IQSEC1: variants seen among roughly 807,000 people sequenced by gnomAD.
The protein encoded by IQSEC1 is IQ motif and SEC7 domain-containing protein 1.
A neutral mutation model predicts 91.0 loss-of-function variants in IQSEC1; 31 were observed. The ratio of observed to expected loss-of-function variants is 0.34; its 90% CI spans 0.26 to 0.46. The LOEUF (loss-of-function observed/expected upper bound fraction) is 0.46. IQSEC1 is among the 20% of genes least tolerant of loss of function. IQSEC1 has a pLI of 1.00. For missense variants in IQSEC1, 1,388 were observed against 1,575.6 expected, an observed-to-expected ratio of 0.88 and a Z score of 2.02; for synonymous variants, 699 against 662.6, an observed-to-expected ratio of 1.05 and a Z score of -0.84.
chr3:12,973,637 C>A (rs893007287), intron 1 of IQSEC1, among the ~76,000 whole-genome samples: 2 of 152,210 alleles, frequency 1.3e-5, no homozygotes, highest in Non-Finnish European at 2.9e-5. Context: ...TTAAAGCAGC[C>A]TTACCCCATT....
chr3:13,041,726 T>C (rs894668873), intron 1 of IQSEC1, among the ~76,000 whole-genome samples: 3 of 151,984 alleles, frequency 2.0e-5, no homozygotes, highest in Admixed American at 1.3e-4. Flanking sequence ...CAGGGAGCAG[T>C]CCCCAAATCC....
intron 1 of IQSEC1, among the ~76,000 whole-genome samples, chr3:13,054,824 G>C (rs531907560): frequency 4.3e-4 from 65 of 152,368 alleles, no homozygotes; most frequent in African/African-American, 1.6e-3. Context: ...GGGCACTCGG[G>C]TCAGACGGAC....
chr3:13,220,075 T>A (rs1377536575), intron 1 of IQSEC1, among the ~76,000 whole-genome samples: 1 of 152,260 alleles, frequency 6.6e-6, no homozygotes, highest in Non-Finnish European at 1.5e-5. Context: ...CACAGGCTCC[T>A]GCTGGGACAC....
intron 1 of IQSEC1, among the ~76,000 whole-genome samples, chr3:13,229,158 C>T (rs1349544818): frequency 1.3e-5 from 2 of 152,216 alleles, no homozygotes; most frequent in Admixed American, 6.5e-5. Flanking sequence ...ATCCTGACTG[C>T]CTGGGTTCAA....
intron 1 of IQSEC1, among the ~76,000 whole-genome samples, chr3:12,957,212 T>C (rs921053174): frequency 1.3e-5 from 2 of 152,300 alleles, no homozygotes; most frequent in African/African-American, 4.8e-5. Flanking sequence ...AGATACAAAG[T>C]TTACAAGACT....
intron 1 of IQSEC1, among the ~76,000 whole-genome samples, chr3:13,223,370 TC>T (rs1254615833): frequency 4.6e-5 from 7 of 152,178 alleles, no homozygotes; most frequent in Middle Eastern, 3.4e-3. Context: ...GGTCTCTGCT[TC>T]CCCACCTCCA....
At chr3:13,232,681 T>A (rs1286483419) in intron 1 of IQSEC1, among the ~76,000 whole-genome samples, 1 of 152,094 alleles carries the variant, frequency 6.6e-6, no homozygotes, top group African/African-American at 2.4e-5. Flanking sequence ...TACACAGACT[T>A]GGAGAATAAT....
At chr3:13,228,839 C>A (rs935634560) in intron 1 of IQSEC1, among the ~76,000 whole-genome samples, 1 of 152,238 alleles carries the variant, frequency 6.6e-6, no homozygotes, top group Non-Finnish European at 1.5e-5. Context: ...GACAGGATCC[C>A]TTCAGGACTT....
chr3:13,263,285 T>C lies in IQSEC1; in HGVS notation c.272+19426A>G, dbSNP rs144801773. On this transcript the variant is annotated intron_variant, in intron 1 of 15. Transcript: ENST00000648114. ...AACAAAACAAAACAAAAAACCAATG[T>C]GAATATACCTAATGCCATTAAACTA... 4.0e-5 allele frequency among the ~76,000 whole-genome samples: 6 copies of C among 151,828 alleles called. No individual in the cohort carries two copies. In the East Asian group the frequency reaches 1.2e-3, roughly 29 times the overall value.
intron 1 of IQSEC1, among the ~76,000 whole-genome samples, chr3:13,183,903 A>G (rs1006467423): frequency 6.6e-6 from 1 of 152,236 alleles, no homozygotes; most frequent in Admixed American, 6.5e-5. Context: ...CAGTTTGAAC[A>G]CTGAGATGAC....
intron 1 of IQSEC1, among the ~76,000 whole-genome samples, chr3:13,187,447 T>C (rs532243473): frequency 7.2e-5 from 11 of 152,348 alleles, no homozygotes; most frequent in African/African-American, 2.6e-4. Flanking sequence ...ATGACTTTAA[T>C]ATGAAGCCTA....
chr3:13,134,604 C>T (rs999645642), intron 2 of IQSEC1, among the ~76,000 whole-genome samples: 7 of 152,194 alleles, frequency 4.6e-5, no homozygotes, highest in South Asian at 4.1e-4. Context: ...TAGCCTCATG[C>T]GGGTGATGAT....
intron 1 of IQSEC1, among the ~76,000 whole-genome samples, chr3:12,981,387 TA>T (rs1480107350): frequency 5.9e-5 from 9 of 152,240 alleles, no homozygotes; most frequent in Admixed American, 3.9e-4. Flanking sequence ...CATTTGTTTC[TA>T]GGCATTTGCT....
intron 1 of IQSEC1, among the ~76,000 whole-genome samples, chr3:12,976,060 CTA>C (rs1378732628): frequency 2.6e-5 from 4 of 152,252 alleles, no homozygotes; most frequent in Admixed American, 2.6e-4. Context: ...ACTGAATAAT[CTA>C]TGTCTCTTAG....
rs1700641170 is a variant in IQSEC1, at chr3:12,967,289, C to T, written c.24-25424G>A. ...CTCTCGCACGCCGGGCGCCCGGTCC[C>T]GACGGTCACCCGCACTCCCGCACAG... is the stretch of plus-strand genomic sequence containing the variant. On this transcript the variant is annotated intron_variant, in intron 1 of 13. Coordinates refer to ENST00000613206, the MANE Select transcript of IQSEC1 (RefSeq NM_001134382.3). The surrounding 1 kb of genome is among the most constrained non-coding windows in gnomAD (Gnocchi z 5.9). 1.8e-6 allele frequency: 2 copies of T among 1,084,480 alleles called. No homozygotes were observed. The highest frequency in any genetic ancestry group is 1.7e-5 in the African/African-American group (1 of 60,476). 67.2% of individuals were successfully genotyped at this position (1,084,480 alleles called of 1,614,324 possible). A position where few individuals can be genotyped will look rare whatever the true frequency, so the allele number is the denominator to read the frequency against.
chr3:13,171,597 G>A (rs563070584), intron 1 of IQSEC1, among the ~76,000 whole-genome samples: 10 of 152,252 alleles, frequency 6.6e-5, no homozygotes, highest in African/African-American at 2.2e-4. Flanking sequence ...GGTACCCGAA[G>A]ACCTCAGCTT....
At chr3:13,208,782 C>T (rs1272553192) in intron 1 of IQSEC1, among the ~76,000 whole-genome samples, 1 of 152,232 alleles carries the variant, frequency 6.6e-6, no homozygotes, top group East Asian at 1.9e-4. Context: ...CATGTTCCCT[C>T]CCCAGGCTGC....
At chr3:13,118,681 T>C (rs888863549) in intron 2 of IQSEC1, among the ~76,000 whole-genome samples, 2 of 152,180 alleles carry the variant, frequency 1.3e-5, no homozygotes, top group African/African-American at 4.8e-5. Flanking sequence ...TATTGTTTAA[T>C]GGAGACAGTT....
chr3:13,094,608 C>G (rs955645436), intron 2 of IQSEC1, among the ~76,000 whole-genome samples: 2 of 152,180 alleles, frequency 1.3e-5, no homozygotes, highest in African/African-American at 4.8e-5. Flanking sequence ...CGTGGATCAG[C>G]CTGTGAGACT....
Sources: allele counts gnomAD v4.1 joint callset (sites outside exome capture counted in the v4.1 genomes callset), GRCh38; gene constraint gnomAD v4.1.1; non-coding constraint Gnocchi (gnomAD v3.1); transcripts MANE v1.5; gene names NCBI Gene and HGNC (gene_info 2026-07-23, HGNC 2026-07-21).